SGCD: variants seen among roughly 807,000 people sequenced by gnomAD.
SGCD encodes sarcoglycan delta.
SGCD carries 18 observed loss-of-function variants against 36.6 expected under a neutral mutation model. The observed-to-expected ratio is 0.49, with a 90% CI of 0.34 to 0.73. The LOEUF is 0.73. Ranked by LOEUF, SGCD falls within the 30% of genes least tolerant of loss-of-function variation. The pLI is 0.01. For synonymous variants in SGCD, 133 were observed against 130.6 expected (o/e 1.02, Z -0.12); for missense variants, 387 against 346.7 (o/e 1.12, Z -0.92).
At chr5:155,828,527 G>A in the SGCD span, among the ~76,000 whole-genome samples, 1 of 152,108 alleles carries the variant, frequency 6.6e-6, no homozygotes, top group Non-Finnish European at 1.5e-5. Flanking sequence ...AAATATCTAT[G>A]GTAGATGTGT....
Position 155,917,322 on chromosome 5 carries a change from C to T in SGCD, c.-282+46898C>T, listed in dbSNP as rs148368250. ...GGCCTCGGTGGCCTCCTGTGTTAAA[C>T]GAGGTTGAAGGTTGTATATTCTGAC... On this transcript the variant is annotated intron_variant, in intron 1 of 9. Transcript: ENST00000517913. 4.6e-3 allele frequency among the ~76,000 whole-genome samples: 702 copies of T among 151,986 alleles called. 5 individuals carry two copies. The highest frequency in any genetic ancestry group is 0.016 in the African/African-American group (671 of 41,446).
At chr5:156,468,207 G>A (rs1038829799) in intron 3 of SGCD, among the ~76,000 whole-genome samples, 2 of 151,904 alleles carry the variant, frequency 1.3e-5, no homozygotes, top group African/African-American at 4.8e-5. Flanking sequence ...TATGCATGGT[G>A]GTGCATGACT....
Position 156,498,935 on chromosome 5 carries a change from CGTGT to C in SGCD, c.193-9641_193-9638del, listed in dbSNP as rs71577198. Among the ~76,000 whole-genome samples, 542 of 149,452 alleles carry C rather than the reference CGTGT, an allele frequency of 3.6e-3. 2 individuals are homozygous for C. The highest frequency in any genetic ancestry group is 0.012 in the African/African-American group (501 of 40,732). On this transcript the variant is annotated intron_variant, in intron 3 of 8. Coordinates refer to ENST00000337851, the MANE Select transcript of SGCD (RefSeq NM_000337.6). Reference sequence around the variant, plus strand: ...CAGGTTCTTGCCATCATGTGTGCTACGTGTGTGTGTGTGTGTGTGTGTGTGTGTA... The same window carrying C: ...CAGGTTCTTGCCATCATGTGTGCTACGTGTGTGTGTGTGTGTGTGTGTGTA...
chr5:156,587,684 A>T (rs530753238), intron 4 of SGCD, among the ~76,000 whole-genome samples: 1 of 152,068 alleles, frequency 6.6e-6, no homozygotes, highest in African/African-American at 2.4e-5. Flanking sequence ...TCTTACCTCT[A>T]TGACTTTCTT....
At chr5:156,040,017 T>C (rs181002108) in intron 1 of SGCD, among the ~76,000 whole-genome samples, 3 of 151,972 alleles carry the variant, frequency 2.0e-5, no homozygotes, top group Admixed American at 1.3e-4. Flanking sequence ...TGGGAGAGAG[T>C]AGCTAAAAGT....
At chr5:156,697,174 T>C (rs986809893) in intron 7 of SGCD, among the ~76,000 whole-genome samples, 2 of 152,180 alleles carry the variant, frequency 1.3e-5, no homozygotes, top group Non-Finnish European at 2.9e-5. Context: ...ATTATCGTAA[T>C]GTTTGTACAA....
chr5:156,093,853 C>T (rs754107106), intron 1 of SGCD, among the ~76,000 whole-genome samples: 79 of 152,270 alleles, frequency 5.2e-4, no homozygotes, highest in Middle Eastern at 6.8e-3. Flanking sequence ...TTCTGAGGAT[C>T]CTCTTTATAA....
intron 7 of SGCD, among the ~76,000 whole-genome samples, chr5:156,736,861 C>A (rs1756396835): frequency 6.6e-6 from 1 of 152,186 alleles, no homozygotes; most frequent in Non-Finnish European, 1.5e-5. Flanking sequence ...GTTCAGCCCT[C>A]AGCTTTCACA....
intron 3 of SGCD, among the ~76,000 whole-genome samples, chr5:156,253,861 A>G (rs1179604690): frequency 6.6e-6 from 1 of 152,160 alleles, no homozygotes. Context: ...GAGAAAATCA[A>G]TGTTTTCCCT....
chr5:156,577,101 G>T (rs1439877280), intron 4 of SGCD, among the ~76,000 whole-genome samples: 2 of 152,130 alleles, frequency 1.3e-5, no homozygotes, highest in Admixed American at 6.5e-5. Flanking sequence ...TCTATAAAGT[G>T]TAAGGAAGGG....
rs1291084073 is a variant in SGCD at position 156,136,660 on chromosome 5, A to G, written c.-44+12641A>G. ...ATAAAGACAGACGAAGATTCCATAT[A>G]AGGAAGTGTGTAACCTAAAAGAGAG... On this transcript the variant is annotated intron_variant, in intron 3 of 9. Coordinates refer to the SGCD transcript ENST00000517913. Among the ~76,000 whole-genome samples, 5 of 152,302 alleles carry G rather than the reference A, an allele frequency of 3.3e-5. No individual in the cohort carries two copies. In the East Asian group the frequency reaches 9.7e-4, roughly 29 times the overall value.
chr5:155,939,838 CTTTT>C (rs78904259), intron 1 of SGCD, among the ~76,000 whole-genome samples: 2 of 139,792 alleles, frequency 1.4e-5, no homozygotes, highest in Admixed American at 1.4e-4. Flanking sequence ...CCAAATGTCT[CTTTT>C]TTTTTTTTTT....
intron 3 of SGCD, among the ~76,000 whole-genome samples, chr5:156,426,645 G>A (rs1773684653): frequency 6.6e-6 from 1 of 152,070 alleles, no homozygotes; most frequent in South Asian, 2.1e-4. Flanking sequence ...CTAAGCCAGT[G>A]TCTAGAAGAA....
intron 7 of SGCD, among the ~76,000 whole-genome samples, chr5:156,679,932 T>C (rs1753660865): frequency 6.6e-6 from 1 of 152,198 alleles, no homozygotes; most frequent in South Asian, 2.1e-4. Flanking sequence ...ATCAAAGTAT[T>C]TTCTCAAACA....
chr5:155,751,765 C>T, the SGCD span, among the ~76,000 whole-genome samples: 8 of 151,692 alleles, frequency 5.3e-5, no homozygotes, highest in African/African-American at 1.9e-4. Flanking sequence ...CAAACAAGAA[C>T]CAACGTTCTG....
intron 4 of SGCD, among the ~76,000 whole-genome samples, chr5:156,536,432 T>C (rs1044956403): frequency 7.9e-5 from 12 of 152,322 alleles, no homozygotes; most frequent in Non-Finnish European, 1.6e-4. Flanking sequence ...ATTCCTGTTA[T>C]AGGACTTAGT....
At position 156,328,128 on chromosome 5, in the gene SGCD, G is replaced by A. The variant is rs553428163; in HGVS notation, c.-44+896G>A. Among the ~76,000 whole-genome samples the A allele has an allele frequency of 2.0e-5, 3 of 152,280 alleles. No individual in the cohort carries two copies. In the South Asian group the frequency reaches 6.2e-4, roughly 32 times the overall value. ...TTTTCAGCACAACAGGGATCTTAGT[G>A]TTCCTCTTCAGTTTTGGTTCTTCTT... On this transcript the variant is annotated intron_variant, in intron 1 of 8. Transcript: ENST00000337851.
chr5:156,188,529 A>AACCT (rs1763814895), intron 3 of SGCD, among the ~76,000 whole-genome samples: 1 of 152,056 alleles, frequency 6.6e-6, no homozygotes, highest in South Asian at 2.1e-4. Context: ...GGCTTCTGAG[A>AACCT]GCCTTTCCTT....
At chr5:156,423,356 T>TTATAATATATTATATTTTATTATAA (rs1185468492) in intron 3 of SGCD, among the ~76,000 whole-genome samples, 34 of 80,744 alleles carry the variant, frequency 4.2e-4, no homozygotes, top group East Asian at 9.5e-4. Flanking sequence ...TATAATTTTA[T>TTATAATATATTATATTTTATTATAA]TATAATATAT....
Sources: allele counts gnomAD v4.1 joint callset (sites outside exome capture counted in the v4.1 genomes callset), GRCh38; gene constraint gnomAD v4.1.1; transcripts MANE v1.5; gene names NCBI Gene and HGNC (gene_info 2026-07-23, HGNC 2026-07-21).